The following BNC2 variants were observed in gnomAD, a reference collection of about 807,000 sequenced individuals.
BNC2 encodes zinc finger protein basonuclin-2.
In BNC2, 20 loss-of-function variants were observed where a neutral mutation model predicts 76.3. That is an observed-to-expected ratio of 0.26 (90% CI 0.18 to 0.38). The LOEUF is 0.38. BNC2 is among the 10% of genes least tolerant of loss of function. The pLI is 1.00. For missense variants in BNC2, 1,382 were observed against 1,399.8 expected (o/e 0.99, Z 0.20); for synonymous variants, 582 against 514.8 (o/e 1.13, Z -1.77).
At position 16,742,559 on chromosome 9, in the gene BNC2, C is replaced by T. The variant is rs113509473; in HGVS notation, c.4-4074G>A. Among the ~76,000 whole-genome samples the T allele has an allele frequency of 3.2e-3, 482 of 152,296 alleles. 2 individuals carry two copies. The highest frequency in any genetic ancestry group is 0.011 in the African/African-American group (466 of 41,544). On this transcript the variant is annotated intron_variant, in intron 1 of 6. Transcript: ENST00000380672. ...TCATCTACTATACTAGCAGCCCCTA[C>T]AGCCTGCTTTCCTAACAGAGTCCTT... is the stretch of plus-strand genomic sequence containing the variant.
chr9:16,441,143 A>G (rs1389127357), intron 5 of BNC2, among the ~76,000 whole-genome samples: 1 of 152,132 alleles, frequency 6.6e-6, no homozygotes, highest in East Asian at 1.9e-4. Context: ...CCTGTCTACA[A>G]AAATTAAAAA....
intron 4 of BNC2, 128 bp from the exon 5 acceptor site, chr9:16,552,893 G>A: frequency 1.4e-6 from 1 of 731,316 alleles, no homozygotes; most frequent in Non-Finnish European, 2.4e-6. Context: ...TTCGCCATAG[G>A]TGTTTAAGCA....
At chr9:16,435,202 A>C in intron 6 of BNC2, 1 of 386,284 alleles carries the variant, frequency 2.6e-6, no homozygotes, top group South Asian at 2.3e-5. Context: ...ATATAACAGA[A>C]GCTGTGGCTT....
At chr9:16,628,795 T>C (rs1170401746) in intron 3 of BNC2, among the ~76,000 whole-genome samples, 1 of 152,254 alleles carries the variant, frequency 6.6e-6, no homozygotes, top group Non-Finnish European at 1.5e-5. Context: ...AATGCACTTT[T>C]CCTTTCTGTG....
chr9:16,793,872 T>G (rs886109652), intron 1 of BNC2, among the ~76,000 whole-genome samples: 9 of 142,884 alleles, frequency 6.3e-5, no homozygotes, highest in South Asian at 2.2e-4. Context: ...TTTTTTGTTT[T>G]TTTTTTTTTT....
intron 5 of BNC2, among the ~76,000 whole-genome samples, chr9:16,506,151 T>G (rs1822618389): frequency 6.6e-6 from 1 of 152,176 alleles, no homozygotes; most frequent in Non-Finnish European, 1.5e-5. Flanking sequence ...AGAAAAGTTT[T>G]TACCTTTTTA....
At chr9:16,674,206 T>G (rs1046271320) in intron 3 of BNC2, among the ~76,000 whole-genome samples, 3 of 152,180 alleles carry the variant, frequency 2.0e-5, no homozygotes, top group African/African-American at 4.8e-5. Context: ...CTAATCACAG[T>G]GAGGGTCTGG....
intron 5 of BNC2, among the ~76,000 whole-genome samples, chr9:16,545,784 A>AAATATCC (rs1012850967): frequency 6.6e-6 from 1 of 152,146 alleles, no homozygotes; most frequent in Non-Finnish European, 1.5e-5. Context: ...ACATCCATGA[A>AAATATCC]AATATCCCAC....
intron 5 of BNC2, among the ~76,000 whole-genome samples, chr9:16,478,384 G>T (rs901241809): frequency 1.3e-5 from 2 of 152,158 alleles, no homozygotes; most frequent in Non-Finnish European, 2.9e-5. Context: ...TTAAAAGCAA[G>T]ATCCCAGAAG....
At chr9:16,616,794 A>AGGAAGGAAGGAG (rs1357495608) in intron 3 of BNC2, among the ~76,000 whole-genome samples, 3 of 141,836 alleles carry the variant, frequency 2.1e-5, no homozygotes, top group Non-Finnish European at 4.6e-5. Context: ...GAAGGAGGGA[A>AGGAAGGAAGGAG]GGAAGGAAGG....
At chr9:16,517,915 C>G (rs1398063352) in intron 5 of BNC2, among the ~76,000 whole-genome samples, 1 of 151,986 alleles carries the variant, frequency 6.6e-6, no homozygotes. Flanking sequence ...GTAAACCAAT[C>G]CGAAATGGTA....
At chr9:16,738,261 G>C (rs1325180996) in intron 2 of BNC2, 99 bp downstream of exon 2, 48 of 1,324,608 alleles carry the variant, frequency 3.6e-5, no homozygotes, top group Non-Finnish European at 4.6e-5. Context: ...CAGTAAAAGA[G>C]TGGCAGAAAG....
chr9:16,759,849 G>A (rs143601373), intron 1 of BNC2, among the ~76,000 whole-genome samples: 1 of 151,218 alleles, frequency 6.6e-6, no homozygotes, highest in African/African-American at 2.4e-5. Context: ...TCAGCCTCCC[G>A]AGTAGCTGGG....
chr9:16,665,031 A>G (rs1360919588), intron 3 of BNC2: 2 of 456,366 alleles, frequency 4.4e-6, no homozygotes. Context: ...ATCCTAAACT[A>G]GACCTGTAAC....
rs1822440744 is a variant in BNC2 at position 16,498,228 on chromosome 9, T to C, written c.669+54302A>G. On this transcript the variant is annotated intron_variant, in intron 5 of 6. Transcript: ENST00000380672. ...CATCATATATATATTCCATCATATATATATATTCCATCATATATATATATA... is the reference window on the plus strand; with the variant it reads ...CATCATATATATATTCCATCATATACATATATTCCATCATATATATATATA... 1.4e-5 allele frequency among the ~76,000 whole-genome samples: 2 copies of C among 141,496 alleles called. 1 individual carries two copies. Among genetic ancestry groups the C allele is most frequent in the African/African-American group, 5.3e-5 (2 of 37,498 alleles). The allele number at this position is 141,496 out of a possible 152,430, so 92.8% of individuals were successfully genotyped here.
intron 4 of BNC2, chr9:16,579,737 A>G (rs1309984449): frequency 5.7e-6 from 1 of 176,448 alleles, no homozygotes; most frequent in Admixed American, 6.3e-5. Flanking sequence ...ATATGTGCAT[A>G]TATATGGTAG....
chr9:16,646,763 T>G (rs373058499), intron 3 of BNC2, among the ~76,000 whole-genome samples: 26 of 152,214 alleles, frequency 1.7e-4, no homozygotes, highest in African/African-American at 6.0e-4. Context: ...TTTAAGAAAT[T>G]CGGGGTTAAA....
intron 3 of BNC2, among the ~76,000 whole-genome samples, chr9:16,659,795 C>T (rs946156805): frequency 2.6e-5 from 4 of 152,106 alleles, no homozygotes; most frequent in African/African-American, 9.7e-5. Flanking sequence ...ATAACAGGCT[C>T]CTCTCTAGCC....
intron 5 of BNC2, among the ~76,000 whole-genome samples, chr9:16,494,616 G>T (rs1822347503): frequency 6.6e-6 from 1 of 152,202 alleles, no homozygotes; most frequent in Non-Finnish European, 1.5e-5. Context: ...CAGGGAAAAG[G>T]AACAGCGAAG....
Sources: allele counts gnomAD v4.1 joint callset (sites outside exome capture counted in the v4.1 genomes callset), GRCh38; gene constraint gnomAD v4.1.1; transcripts MANE v1.5; gene names NCBI Gene and HGNC (gene_info 2026-07-23, HGNC 2026-07-21).